GRB14: variants seen among roughly 807,000 people sequenced by gnomAD.
GRB14 encodes growth factor receptor-bound protein 14.
Under a neutral mutation model 69.1 loss-of-function variants are expected in GRB14, and 38 were observed. That is an observed-to-expected ratio of 0.55 (90% CI 0.42 to 0.72). GRB14 has a LOEUF of 0.72. Among genes scored for constraint, GRB14 ranks in the 30% least tolerant of loss-of-function variants. The probability of loss-of-function intolerance (pLI) is 0.00; values close to 1 mark genes in which losing one functional copy is unlikely to be tolerated. For missense variants in GRB14, 666 were observed against 666.1 expected (o/e 1.00, Z 0.00); for synonymous variants, 247 against 241.3 (o/e 1.02, Z -0.22).
intron 2 of GRB14, among the ~76,000 whole-genome samples, chr2:164,614,481 T>A (rs1008877328): frequency 6.6e-6 from 1 of 152,230 alleles, no homozygotes; most frequent in East Asian, 1.9e-4. Flanking sequence ...TTTTAGACGA[T>A]ATCAAGGAAT....
intron 2 of GRB14, among the ~76,000 whole-genome samples, chr2:164,555,313 GA>G (rs1265081210): frequency 6.6e-6 from 1 of 152,200 alleles, no homozygotes; most frequent in South Asian, 2.1e-4. Context: ...GATCTGCCAT[GA>G]CTGGAAAGTC....
chr2:164,580,927 T>C (rs911846108), intron 2 of GRB14, among the ~76,000 whole-genome samples: 21 of 152,276 alleles, frequency 1.4e-4, no homozygotes, highest in African/African-American at 2.4e-4. Flanking sequence ...CCTCTACCCA[T>C]TGGGCTCCTG....
At chr2:164,527,559 C>T (rs1162184774) in intron 3 of GRB14, among the ~76,000 whole-genome samples, 1 of 151,780 alleles carries the variant, frequency 6.6e-6, no homozygotes, top group East Asian at 1.9e-4. Context: ...CAATTCACCT[C>T]ATTAAGAGAT....
chr2:164,517,686 T>G (rs984205006), intron 6 of GRB14, among the ~76,000 whole-genome samples: 15 of 151,916 alleles, frequency 9.9e-5, no homozygotes, highest in African/African-American at 3.4e-4. Context: ...TCCATGCAAA[T>G]GGACACCAAA....
At chr2:164,603,492 C>T (rs1239415699) in intron 2 of GRB14, among the ~76,000 whole-genome samples, 3 of 151,794 alleles carry the variant, frequency 2.0e-5, no homozygotes, top group East Asian at 1.9e-4. Context: ...AGTGAAACCC[C>T]GTCTCTGCTA....
chr2:164,532,098 T>C (rs1456942433), intron 3 of GRB14, among the ~76,000 whole-genome samples: 1 of 152,212 alleles, frequency 6.6e-6, no homozygotes, highest in Non-Finnish European at 1.5e-5. Flanking sequence ...GTTAGACAGA[T>C]ATCCCTCTGG....
At chr2:164,595,930 C>G (rs1036784924) in intron 2 of GRB14, among the ~76,000 whole-genome samples, 1 of 152,148 alleles carries the variant, frequency 6.6e-6, no homozygotes, top group African/African-American at 2.4e-5. Flanking sequence ...TCGAGACCAT[C>G]CTGGCCAACA....
intron 2 of GRB14, among the ~76,000 whole-genome samples, chr2:164,571,069 T>C (rs759224367): frequency 3.9e-5 from 6 of 152,226 alleles, no homozygotes; most frequent in African/African-American, 7.2e-5. Flanking sequence ...GCACCCTGCA[T>C]ACTTAAGACA....
At chr2:164,570,430 GAC>G (rs575851877) in intron 2 of GRB14, among the ~76,000 whole-genome samples, 69 of 152,040 alleles carry the variant, frequency 4.5e-4, no homozygotes, top group African/African-American at 1.6e-3. Context: ...CTATTATTAA[GAC>G]AGTTAAGGTC....
Position 164,523,054 on chromosome 2 carries a change from G to C in GRB14, c.679-937C>G, listed in dbSNP as rs145660375. On this transcript the variant is annotated intron_variant, in intron 5 of 13. Coordinates refer to ENST00000263915, the MANE Select transcript of GRB14 (RefSeq NM_004490.3). ...AGGATGAGACACCATGAGACAGACA[G>C]AGAGAGACAGTAAGTGGGGGGAAAC... Among the ~76,000 whole-genome samples the C allele has an allele frequency of 2.4e-3, 364 of 152,146 alleles. 2 individuals are homozygous for C. Among genetic ancestry groups the C allele is most frequent in the African/African-American group, 8.4e-3 (347 of 41,524 alleles).
At chr2:164,555,268 C>T (rs188094784) in intron 2 of GRB14, among the ~76,000 whole-genome samples, 32 of 152,224 alleles carry the variant, frequency 2.1e-4, no homozygotes, top group African/African-American at 7.5e-4. Flanking sequence ...TGTCAATGGT[C>T]GTTTGAGAAT....
At chr2:164,497,772 T>C (rs989020311) in intron 9 of GRB14, among the ~76,000 whole-genome samples, 3 of 152,192 alleles carry the variant, frequency 2.0e-5, no homozygotes, top group Non-Finnish European at 4.4e-5. Flanking sequence ...TTTTAAAGTA[T>C]GTCTTTCTTC....
At chr2:164,512,522 A>T (rs1168365487) in intron 6 of GRB14, among the ~76,000 whole-genome samples, 1 of 152,110 alleles carries the variant, frequency 6.6e-6, no homozygotes, top group Non-Finnish European at 1.5e-5. Context: ...CTCTAGACCA[A>T]CCCAGGGACT....
At chr2:164,614,950 G>A (rs548531565) in intron 2 of GRB14, among the ~76,000 whole-genome samples, 9 of 152,098 alleles carry the variant, frequency 5.9e-5, no homozygotes, top group East Asian at 3.9e-4. Flanking sequence ...ATAAAAGGCC[G>A]AGCATATGGA....
chr2:164,611,935 C>A (rs1489391091), intron 2 of GRB14, among the ~76,000 whole-genome samples: 5 of 152,090 alleles, frequency 3.3e-5, no homozygotes, highest in Admixed American at 3.3e-4. Flanking sequence ...GTATCTGCTG[C>A]ACAGGAGCCA....
intron 9 of GRB14, among the ~76,000 whole-genome samples, chr2:164,500,278 G>A (rs1180509338): frequency 2.0e-5 from 3 of 151,940 alleles, no homozygotes; most frequent in African/African-American, 7.3e-5. Context: ...AGGCTGATGG[G>A]GTGGCTGTTA....
intron 6 of GRB14, 36 bp downstream of exon 6, chr2:164,521,944 T>G: frequency 6.5e-7 from 1 of 1,532,664 alleles, no homozygotes; most frequent in Non-Finnish European, 8.9e-7. Flanking sequence ...CAGCTTAATA[T>G]GTCAGTCATA....
chr2:164,570,140 T>C (rs1689091375), intron 2 of GRB14, among the ~76,000 whole-genome samples: 1 of 151,858 alleles, frequency 6.6e-6, no homozygotes, highest in Admixed American at 6.6e-5. Flanking sequence ...CCAGGCATGG[T>C]GGCACGTGCC....
intron 6 of GRB14, among the ~76,000 whole-genome samples, chr2:164,516,061 C>T (rs750197462): frequency 3.3e-5 from 5 of 150,748 alleles, no homozygotes; most frequent in South Asian, 4.2e-4. Flanking sequence ...CAAGAAGTTT[C>T]GGATTATGTT....
Sources: gnomAD v4.1 joint callset for allele counts (sites outside exome capture counted in the v4.1 genomes callset) on GRCh38, gnomAD v4.1.1 for gene constraint, MANE v1.5 for transcripts, NCBI Gene and HGNC (gene_info 2026-07-23, HGNC 2026-07-21) for gene names.